IRAG1: variants seen among roughly 807,000 people sequenced by gnomAD.
The protein encoded by IRAG1 is IP3R-associated cGMP kinase substrate.
A neutral mutation model predicts 106.2 loss-of-function variants in IRAG1; 62 were observed. That is an observed-to-expected ratio of 0.58 (90% CI 0.48 to 0.72). The LOEUF (loss-of-function observed/expected upper bound fraction) is 0.72, where lower values mean the gene tolerates loss of function less well. IRAG1 is among the 30% of genes least tolerant of loss of function. The probability of loss-of-function intolerance (pLI) is 0.00; values close to 1 mark genes in which losing one functional copy is unlikely to be tolerated. For synonymous variants in IRAG1, 462 were observed against 443.9 expected (o/e 1.04, Z -0.51); for missense variants, 1,064 against 1,140.7 (o/e 0.93, Z 0.97).
chr11:10,578,295 C>T (rs1188024038), intron 20 of IRAG1, among the ~76,000 whole-genome samples: 1 of 152,178 alleles, frequency 6.6e-6, no homozygotes, highest in Non-Finnish European at 1.5e-5. Context: ...GTTTGAACAG[C>T]CGTTAGGAGA....
Position 10,580,511 on chromosome 11 carries a change from A to G in IRAG1, c.2439T>C (p.Pro813=). The change falls in exon 20 of 21, where the codon CCT becomes CCC. Residue 813 remains proline (P), a synonymous_variant. Transcript: ENST00000423302. ...EEEEEQKSES[P]EEPEEVEETE... Reference sequence around the variant, plus strand: ...TTTCTTCTACCTCTTCAGGTTCCTCAGGACTCTCACTCTTCTGTTCTTCCT... The same window carrying G: ...TTTCTTCTACCTCTTCAGGTTCCTCGGGACTCTCACTCTTCTGTTCTTCCT... 6.2e-7 allele frequency: 1 copy of G among 1,613,806 alleles called. No homozygotes were observed. The highest frequency in any genetic ancestry group is 2.2e-5 in the East Asian group (1 of 44,870).
chr11:10,605,997 C>T (rs985057164), intron 12 of IRAG1, among the ~76,000 whole-genome samples: 1 of 152,178 alleles, frequency 6.6e-6, no homozygotes, highest in Non-Finnish European at 1.5e-5. Context: ...GATTCCTGCT[C>T]CACCTGCTTT....
rs1395847577 is a variant in IRAG1, at chr11:10,623,763, C to A, written c.1447+15G>T. The A allele has an allele frequency of 6.2e-7, 1 of 1,613,448 alleles. No individual in the cohort carries two copies. Among genetic ancestry groups the A allele is most frequent in the East Asian group, 2.2e-5 (1 of 44,896 alleles). On this transcript the variant is annotated intron_variant, in intron 10 of 20. Coordinates refer to ENST00000423302, the MANE Select transcript of IRAG1 (RefSeq NM_130385.4). ...CAGCACTCGCTGAGACAGCATCTGCCCCAACCCCACCTACCTTTTTCCTGC... is the reference window on the plus strand; with the variant it reads ...CAGCACTCGCTGAGACAGCATCTGCACCAACCCCACCTACCTTTTTCCTGC...
chr11:10,623,130 TG>T (rs1325105565), intron 10 of IRAG1, among the ~76,000 whole-genome samples: 2 of 152,112 alleles, frequency 1.3e-5, no homozygotes, highest in Admixed American at 6.5e-5. Flanking sequence ...CAACTCGTGG[TG>T]GGGCTCGACA....
At chr11:10,668,954 C>T (rs1279736626) in intron 1 of IRAG1, among the ~76,000 whole-genome samples, 1 of 152,200 alleles carries the variant, frequency 6.6e-6, no homozygotes, top group Non-Finnish European at 1.5e-5. Flanking sequence ...CTGCCTCCCA[C>T]CACCCAAAAC....
At chr11:10,634,753 TTGTGTGTG>T (rs57266330) in intron 2 of IRAG1, among the ~76,000 whole-genome samples, 41,215 of 144,956 alleles carry the variant, frequency 0.28, 6,764 homozygotes, top group Non-Finnish European at 0.36. Context: ...AATAATATTC[TTGTGTGTG>T]TGTGTGTGTG....
rs559729474 is a variant in IRAG1 at position 10,604,673 on chromosome 11, C to T, written c.1603-128G>A. 83 of 1,142,730 alleles carry T rather than the reference C, an allele frequency of 7.3e-5. No homozygotes were observed. In the African/African-American group the frequency reaches 1.2e-3, roughly 16 times the overall value. The allele number at this position is 1,142,730 out of a possible 1,614,324, so 70.8% of individuals were successfully genotyped here. ...ACAGCCGCCAAAGCACCAAAGCAGCCATGTGCAAGGGAAACGCTCACTTCA... is the reference window on the plus strand; with the variant it reads ...ACAGCCGCCAAAGCACCAAAGCAGCTATGTGCAAGGGAAACGCTCACTTCA... On this transcript the variant is annotated intron_variant, in intron 12 of 20. Transcript: ENST00000423302.
At chr11:10,680,279 A>G (rs1281897320) in intron 1 of IRAG1, among the ~76,000 whole-genome samples, 1 of 141,480 alleles carries the variant, frequency 7.1e-6, no homozygotes, top group African/African-American at 2.7e-5. Flanking sequence ...GGAAAGAAAG[A>G]AAGAAAAAGA....
chr11:10,633,357 G>C (rs1856890804), intron 3 of IRAG1, among the ~76,000 whole-genome samples: 1 of 152,162 alleles, frequency 6.6e-6, no homozygotes, highest in Non-Finnish European at 1.5e-5. Flanking sequence ...TTACAGGCAT[G>C]AGCCACTGCG....
Position 10,589,660 on chromosome 11 carries a change from T to A in IRAG1, c.2240+1888A>T, listed in dbSNP as rs147021728. ...TCCTGAACCCCTCTTCCTCTAAAGA[T>A]GCCCTCACCTCTTTGCAACCATTCT... On this transcript the variant is annotated intron_variant, in intron 18 of 20. Coordinates refer to ENST00000423302, the MANE Select transcript of IRAG1 (RefSeq NM_130385.4). 3.3e-5 allele frequency among the ~76,000 whole-genome samples: 5 copies of A among 152,334 alleles called. No individual in the cohort carries two copies. In the East Asian group the frequency reaches 9.7e-4, roughly 29 times the overall value.
intron 2 of IRAG1, among the ~76,000 whole-genome samples, 175 bp from the exon 3 acceptor site, chr11:10,634,246 T>C (rs1244322299): frequency 1.3e-5 from 2 of 152,200 alleles, no homozygotes; most frequent in East Asian, 1.9e-4. Flanking sequence ...CAAATAAACA[T>C]TGTATATATT....
rs561793532 is a variant in IRAG1 at position 10,657,704 on chromosome 11, G to A, written c.68-5522C>T. Among the ~76,000 whole-genome samples, 6 of 152,102 alleles carry A rather than the reference G, an allele frequency of 3.9e-5. No individual in the cohort carries two copies. The highest frequency in any genetic ancestry group is 8.8e-5 in the Non-Finnish European group (6 of 68,022). ...GAGATTAGGTTGCTATTAATACCACGGGTCTATCTCTAGATGGACAACTGA... is the reference window on the plus strand; with the variant it reads ...GAGATTAGGTTGCTATTAATACCACAGGTCTATCTCTAGATGGACAACTGA... On this transcript the variant is annotated intron_variant, in intron 1 of 20. Transcript: ENST00000423302. This position sits in a 1 kb window ranked among gnomAD's most constrained non-coding sequence, Gnocchi z 4.1.
At chr11:10,690,130 C>A (rs1348236073) in intron 1 of IRAG1, 1 of 238,062 alleles carries the variant, frequency 4.2e-6, no homozygotes, top group Non-Finnish European at 8.4e-6. Context: ...ATGGCTCACG[C>A]CTATAATCCC....
intron 2 of IRAG1, among the ~76,000 whole-genome samples, chr11:10,651,344 G>A (rs781527118): frequency 1.3e-5 from 2 of 152,226 alleles, no homozygotes; most frequent in Non-Finnish European, 2.9e-5. Flanking sequence ...TCTTAATTAG[G>A]TGCTGTAAAG....
At chr11:10,676,568 T>C (rs990209115) in intron 1 of IRAG1, among the ~76,000 whole-genome samples, 1 of 152,128 alleles carries the variant, frequency 6.6e-6, no homozygotes, top group African/African-American at 2.4e-5. Flanking sequence ...GTGACTTCTG[T>C]TGGAACTGTT....
intron 10 of IRAG1, among the ~76,000 whole-genome samples, chr11:10,616,763 G>C (rs369202359): frequency 3.3e-5 from 5 of 151,964 alleles, no homozygotes; most frequent in African/African-American, 9.7e-5. Context: ...CTGTATTAGT[G>C]GGGAAGGAGG....
intron 3 of IRAG1, among the ~76,000 whole-genome samples, chr11:10,633,156 G>C (rs1365126154): frequency 4.7e-5 from 7 of 148,290 alleles, no homozygotes; most frequent in Middle Eastern, 3.4e-3. Flanking sequence ...CTCACTGCAA[G>C]CTCCGCCTCC....
chr11:10,629,422 G>T, intron 5 of IRAG1, 116 bp downstream of exon 5: 1 of 1,063,030 alleles, frequency 9.4e-7, no homozygotes, highest in Non-Finnish European at 1.3e-6. Flanking sequence ...GAGGAGAGCA[G>T]GTGAGTCCAA....
chr11:10,612,925 T>C (rs1179279524), intron 10 of IRAG1, among the ~76,000 whole-genome samples: 1 of 151,932 alleles, frequency 6.6e-6, no homozygotes, highest in Non-Finnish European at 1.5e-5. Context: ...AATTGGGAAA[T>C]ATACAACCAA....
Sources: allele counts gnomAD v4.1 joint callset (sites outside exome capture counted in the v4.1 genomes callset), GRCh38; gene constraint gnomAD v4.1.1; non-coding constraint Gnocchi (gnomAD v3.1); transcripts MANE v1.5; gene names NCBI Gene and HGNC (gene_info 2026-07-23, HGNC 2026-07-21).